Variants in LRBA observed in about 807,000 individuals in gnomAD.
LRBA encodes LPS responsive beige-like anchor protein, also known as lipopolysaccharide-responsive and beige-like anchor protein.
A neutral mutation model predicts 330.0 loss-of-function variants in LRBA; 176 were observed. The ratio of observed to expected loss-of-function variants is 0.53; its 90% CI spans 0.47 to 0.60. The LOEUF (loss-of-function observed/expected upper bound fraction) is 0.60. Ranked by LOEUF, LRBA falls within the 20% of genes least tolerant of loss-of-function variation. LRBA has a pLI of 0.00. For synonymous variants in LRBA, 1,230 were observed against 1,193.0 expected, an observed-to-expected ratio of 1.03 and a Z score of -0.64; for missense variants, 3,259 against 3,444.8, an observed-to-expected ratio of 0.95 and a Z score of 1.35.
intron 53 of LRBA, among the ~76,000 whole-genome samples, chr4:150,300,973 A>G (rs1456845375): frequency 1.3e-5 from 2 of 152,036 alleles, no homozygotes; most frequent in Non-Finnish European, 2.9e-5. Flanking sequence ...GTGTGTTCAG[A>G]TTTCTTTATG....
chr4:150,918,781 T>C (rs1377621633), intron 5 of LRBA, among the ~76,000 whole-genome samples: 1 of 152,032 alleles, frequency 6.6e-6, no homozygotes. Flanking sequence ...ACATTAACCA[T>C]CTTAGCAAGG....
In LRBA at chr4:150,265,550, TC is replaced by T. The variant is rs998787226; in HGVS notation, c.*171del. 1.5e-4 allele frequency: 82 copies of T among 537,088 alleles called. No homozygotes were observed. Among genetic ancestry groups the T allele is most frequent in the Middle Eastern group, 4.8e-4 (1 of 2,098 alleles). The allele number at this position is 537,088 out of a possible 1,614,324, so 33.3% of individuals were successfully genotyped here. The stretch of plus-strand genomic sequence containing the variant: ...AGCAGCCAGTTTTCTGCTTTGCTAA[TC>T]CCCCCCAAAAAAGTCAAGCAAAGAC... On this transcript the variant is annotated 3_prime_UTR_variant, in exon 57 of 57. Coordinates refer to ENST00000651943, the MANE Select transcript of LRBA (RefSeq NM_001364905.1).
At position 150,844,220 on chromosome 4, in the gene LRBA, A is replaced by C. The variant is rs562182391; in HGVS notation, c.4462-13T>G. ...TGTCCACTGGGCTCTATTTAAGATTAAAAAAAAATTGTATATATATATATT... is the reference window on the plus strand; with the variant it reads ...TGTCCACTGGGCTCTATTTAAGATTCAAAAAAAATTGTATATATATATATT... On this transcript the variant is annotated splice_polypyrimidine_tract_variant and intron_variant, in intron 27 of 56. Coordinates refer to ENST00000651943, the MANE Select transcript of LRBA (RefSeq NM_001364905.1). 1 of 1,279,820 alleles carries C rather than the reference A, an allele frequency of 7.8e-7. No individual in the cohort carries two copies. Among genetic ancestry groups the C allele is most frequent in the Non-Finnish European group, 1.1e-6 (1 of 906,882 alleles). 79.3% of individuals were successfully genotyped at this position (1,279,820 alleles called of 1,614,324 possible). A position where few individuals can be genotyped will look rare whatever the true frequency, so the allele number is the denominator to read the frequency against.
At chr4:150,796,062 C>A (rs28591543) in intron 34 of LRBA, among the ~76,000 whole-genome samples, 13,814 of 151,862 alleles carry the variant, frequency 0.091, 1,103 homozygotes, top group African/African-American at 0.21. Flanking sequence ...TTTGGCACTC[C>A]GTCCTCTCCA....
chr4:150,489,068 A>T (rs1433050556), intron 41 of LRBA, among the ~76,000 whole-genome samples: 73 of 61,382 alleles, frequency 1.2e-3, no homozygotes, highest in Non-Finnish European at 1.7e-3. Flanking sequence ...AATATATAAT[A>T]TATTATATAT....
chr4:150,592,074 A>G (rs576148507), intron 38 of LRBA, among the ~76,000 whole-genome samples: 1 of 150,990 alleles, frequency 6.6e-6, no homozygotes, highest in Admixed American at 6.6e-5. Context: ...TTCCAGCTAG[A>G]TAAATCCCAG....
chr4:150,827,364 A>G (rs1746419934), intron 30 of LRBA, among the ~76,000 whole-genome samples: 1 of 152,180 alleles, frequency 6.6e-6, no homozygotes, highest in Non-Finnish European at 1.5e-5. Flanking sequence ...AAAGGTCAGA[A>G]AGAAATTCCA....
chr4:150,315,384 G>A (rs1731587502), intron 51 of LRBA, 177 bp downstream of exon 51: 2 of 658,852 alleles, frequency 3.0e-6, no homozygotes, highest in South Asian at 1.8e-5. Context: ...AACCAACGAG[G>A]GGGAGTTGAT....
chr4:150,506,954 T>A (rs1302239692), intron 40 of LRBA, among the ~76,000 whole-genome samples: 1 of 151,670 alleles, frequency 6.6e-6, no homozygotes, highest in African/African-American at 2.4e-5. Context: ...GAGAGCCAAA[T>A]CATGAGTGAA....
chr4:150,431,003 A>G (rs1750310824), intron 46 of LRBA, among the ~76,000 whole-genome samples: 1 of 152,196 alleles, frequency 6.6e-6, no homozygotes, highest in Non-Finnish European at 1.5e-5. Context: ...GAAAAAATCA[A>G]TGACAATAAA....
At chr4:150,963,949 C>G (rs901933281) in intron 2 of LRBA, among the ~76,000 whole-genome samples, 1 of 147,658 alleles carries the variant, frequency 6.8e-6, no homozygotes, top group Non-Finnish European at 1.5e-5. Flanking sequence ...TCTGCCCTGC[C>G]GCGACCCCGT....
At chr4:150,853,029 CAT>C (rs1482696087) in intron 22 of LRBA, 86 bp from the exon 23 acceptor site, 3 of 672,166 alleles carry the variant, frequency 4.5e-6, no homozygotes, top group South Asian at 3.3e-5. Flanking sequence ...TTTTCAAATA[CAT>C]AGTTTATATA....
At chr4:150,632,691 A>G (rs904259189) in intron 37 of LRBA, among the ~76,000 whole-genome samples, 8 of 152,114 alleles carry the variant, frequency 5.3e-5, no homozygotes, top group African/African-American at 1.9e-4. Flanking sequence ...GTCCTGTGGC[A>G]TCTTCCCCAC....
At chr4:150,809,877 TACGATAC>T (rs1743398588) in intron 31 of LRBA, among the ~76,000 whole-genome samples, 2 of 139,384 alleles carry the variant, frequency 1.4e-5, no homozygotes, top group South Asian at 2.4e-4. Context: ...TACGATACGA[TACGATAC>T]GATACGATAC....
intron 37 of LRBA, among the ~76,000 whole-genome samples, chr4:150,603,908 G>A (rs2126537010): frequency 6.6e-6 from 1 of 152,182 alleles, no homozygotes; most frequent in African/African-American, 2.4e-5. Context: ...TCAATAGATA[G>A]GCTATTTATT....
chr4:150,912,744 GTTAACT>G (rs1317906794), intron 9 of LRBA, among the ~76,000 whole-genome samples: 1 of 151,924 alleles, frequency 6.6e-6, no homozygotes, highest in African/African-American at 2.4e-5. Context: ...ATCTGCTAAC[GTTAACT>G]TTATTTGTTG....
At chr4:150,888,057 A>G (rs1251376618) in intron 17 of LRBA, among the ~76,000 whole-genome samples, 2 of 152,100 alleles carry the variant, frequency 1.3e-5, no homozygotes, top group Non-Finnish European at 2.9e-5. Flanking sequence ...ACAAAGAAAG[A>G]TTTCAATAAC....
chr4:150,388,056 G>C (rs13113613), intron 47 of LRBA, among the ~76,000 whole-genome samples: 1 of 152,170 alleles, frequency 6.6e-6, no homozygotes, highest in Admixed American at 6.5e-5. Flanking sequence ...AATTAATTTA[G>C]AATTTCTGAA....
chr4:150,890,908 AT>A lies in LRBA; in HGVS notation c.2165+2143del, dbSNP rs999892810. On this transcript the variant is annotated intron_variant, in intron 17 of 56. Coordinates refer to ENST00000651943, the MANE Select transcript of LRBA (RefSeq NM_001364905.1). ...ATGTCTATGATACTATCTTGCAATT[AT>A]TTTTTTTTTTAAAAGTGGTAAAATC... 2.4e-3 allele frequency among the ~76,000 whole-genome samples: 368 copies of A among 151,590 alleles called. 2 individuals carry two copies. Among genetic ancestry groups the A allele is most frequent in the African/African-American group, 7.8e-3 (323 of 41,374 alleles).
Sources: gnomAD v4.1 joint callset for allele counts (sites outside exome capture counted in the v4.1 genomes callset) on GRCh38, gnomAD v4.1.1 for gene constraint, MANE v1.5 for transcripts, NCBI Gene and HGNC (gene_info 2026-07-23, HGNC 2026-07-21) for gene names.